Variants in MYO16 observed in about 807,000 individuals in gnomAD.
The protein encoded by MYO16 is unconventional myosin-XVI.
A neutral mutation model predicts 205.3 loss-of-function variants in MYO16; 94 were observed. The ratio of observed to expected loss-of-function variants is 0.46; its 90% CI spans 0.39 to 0.54. The LOEUF (loss-of-function observed/expected upper bound fraction) is 0.54, where lower values mean the gene tolerates loss of function less well. MYO16 is among the 20% of genes least tolerant of loss of function. The pLI is 0.00. For synonymous variants in MYO16, 988 were observed against 954.0 expected, an observed-to-expected ratio of 1.04 and a Z score of -0.66; for missense variants, 2,315 against 2,387.5, an observed-to-expected ratio of 0.97 and a Z score of 0.63.
the MYO16 span, among the ~76,000 whole-genome samples, chr13:108,515,866 C>G: frequency 3.5e-4 from 15 of 42,832 alleles, no homozygotes; most frequent in African/African-American, 9.8e-5. Context: ...GGGAGAACCA[C>G]TGCTCTCTTC....
intron 2 of MYO16, among the ~76,000 whole-genome samples, chr13:108,669,544 A>G (rs2139441669): frequency 6.6e-6 from 1 of 152,304 alleles, no homozygotes; most frequent in Non-Finnish European, 1.5e-5. Context: ...GCTGATAAAA[A>G]TAATTCATTT....
intron 32 of MYO16, among the ~76,000 whole-genome samples, chr13:109,152,185 G>T (rs1429075279): frequency 1.3e-5 from 2 of 152,150 alleles, no homozygotes; most frequent in Non-Finnish European, 2.9e-5. Flanking sequence ...CAGTAATAAA[G>T]CCCCCTTAGT....
intron 32 of MYO16, among the ~76,000 whole-genome samples, chr13:109,154,331 C>T (rs993613398): frequency 9.9e-5 from 15 of 152,106 alleles, no homozygotes; most frequent in Non-Finnish European, 1.9e-4. Flanking sequence ...TGGCCTGGCC[C>T]GGGCCTGCCA....
intron 27 of MYO16, among the ~76,000 whole-genome samples, chr13:109,097,956 G>T (rs1334443473): frequency 7.3e-6 from 1 of 137,528 alleles, no homozygotes; most frequent in Non-Finnish European, 1.6e-5. Flanking sequence ...AAGGAAATAA[G>T]AAATGTCTTC....
chr13:108,748,767 T>G (rs1885139917), intron 4 of MYO16, among the ~76,000 whole-genome samples: 1 of 152,248 alleles, frequency 6.6e-6, no homozygotes, highest in African/African-American at 2.4e-5. Flanking sequence ...ACAATTAGTG[T>G]TGTCTATGCA....
At chr13:108,966,579 A>T (rs1367000000) in intron 20 of MYO16, among the ~76,000 whole-genome samples, 1 of 152,202 alleles carries the variant, frequency 6.6e-6, no homozygotes, top group Non-Finnish European at 1.5e-5. Context: ...GGATGGTCTT[A>T]TCTTTTAAAA....
the MYO16 span, among the ~76,000 whole-genome samples, chr13:108,524,678 A>T: frequency 6.6e-6 from 1 of 152,108 alleles, no homozygotes; most frequent in Non-Finnish European, 1.5e-5. Context: ...CCTTTGCCTT[A>T]CCTCACCAGT....
At chr13:108,975,184 G>GTTT (rs200122414) in intron 20 of MYO16, among the ~76,000 whole-genome samples, 1 of 144,602 alleles carries the variant, frequency 6.9e-6, no homozygotes, top group Admixed American at 6.9e-5. Context: ...TTGGGATACT[G>GTTT]TTTTTGTTTT....
In MYO16 at chr13:108,636,468, C is replaced by T. The variant is rs185943342; in HGVS notation, c.28+6596C>T. Among the ~76,000 whole-genome samples, 366 of 150,176 alleles carry T rather than the reference C, an allele frequency of 2.4e-3. 3 individuals carry two copies. The highest frequency in any genetic ancestry group is 8.6e-3 in the African/African-American group (351 of 40,848). On this transcript the variant is annotated intron_variant, in intron 1 of 34. Coordinates refer to ENST00000457511, the MANE Select transcript of MYO16 (RefSeq NM_001198950.3). The stretch of plus-strand genomic sequence containing the variant: ...AATCTCAGCTCACTGCAACCTCCAC[C>T]GCCCAGGTTCGAGCAATTCTCCTGC...
At chr13:108,638,231 A>C (rs541145028) in intron 1 of MYO16, among the ~76,000 whole-genome samples, 1 of 152,204 alleles carries the variant, frequency 6.6e-6, no homozygotes, top group African/African-American at 2.4e-5. Context: ...CTGAGGCAGG[A>C]ATGAGCATGT....
intron 11 of MYO16, among the ~76,000 whole-genome samples, chr13:108,858,698 C>T (rs562679668): frequency 6.6e-6 from 1 of 152,168 alleles, no homozygotes; most frequent in Non-Finnish European, 1.5e-5. Flanking sequence ...TCTGTCTATT[C>T]TCAACACAAA....
At chr13:108,982,374 T>C (rs2139417112) in intron 20 of MYO16, among the ~76,000 whole-genome samples, 1 of 152,292 alleles carries the variant, frequency 6.6e-6, no homozygotes, top group East Asian at 1.9e-4. Flanking sequence ...ATTTTTACTT[T>C]AACATACAAC....
chr13:109,073,182 ACCT>A (rs577559397), intron 27 of MYO16, among the ~76,000 whole-genome samples: 204 of 150,890 alleles, frequency 1.4e-3, no homozygotes, highest in African/African-American at 4.8e-3. Flanking sequence ...GCTCACTGGA[ACCT>A]CCTCCTCCTG....
chr13:108,693,019 A>G (rs1246300439), intron 2 of MYO16, among the ~76,000 whole-genome samples: 1 of 152,218 alleles, frequency 6.6e-6, no homozygotes, highest in African/African-American at 2.4e-5. Context: ...ACAGATAAGA[A>G]GGCTTAATTA....
rs1211827896 is a variant in MYO16 at position 108,601,994 on chromosome 13, G to A, written c.-39+5755G>A. On this transcript the variant is annotated intron_variant, in intron 1 of 24. Coordinates refer to the MYO16 transcript ENST00000251041. ...GTCATATTAGGAGGCTGGGCCACGG[G>A]GTGGTGAGGAAGTCATAATGGTGGG... is the stretch of plus-strand genomic sequence containing the variant. 2.6e-5 allele frequency among the ~76,000 whole-genome samples: 4 copies of A among 151,748 alleles called. No homozygotes were observed. In the East Asian group the frequency reaches 7.7e-4, roughly 29 times the overall value.
chr13:108,918,786 A>G (rs948043590), intron 16 of MYO16, among the ~76,000 whole-genome samples: 2 of 152,118 alleles, frequency 1.3e-5, no homozygotes, highest in African/African-American at 4.8e-5. Flanking sequence ...TAAAAATACA[A>G]AAATTAGCCA....
At chr13:109,196,764 C>T (rs923369457) in intron 34 of MYO16, among the ~76,000 whole-genome samples, 1 of 152,124 alleles carries the variant, frequency 6.6e-6, no homozygotes, top group African/African-American at 2.4e-5. Flanking sequence ...TTCCTAGCTC[C>T]GTATAAACCG....
chr13:108,868,390 A>T (rs1419455439), intron 12 of MYO16, among the ~76,000 whole-genome samples: 4 of 152,212 alleles, frequency 2.6e-5, no homozygotes, highest in Admixed American at 2.6e-4. Flanking sequence ...GAGATTAACC[A>T]CATTTTCACA....
At chr13:108,644,920 G>A (rs1446915187) in intron 1 of MYO16, among the ~76,000 whole-genome samples, 3 of 152,190 alleles carry the variant, frequency 2.0e-5, no homozygotes, top group Non-Finnish European at 2.9e-5. Flanking sequence ...TATTCCAAGA[G>A]TATAAGTAGG....
Sources: gnomAD v4.1 joint callset for allele counts (sites outside exome capture counted in the v4.1 genomes callset) on GRCh38, gnomAD v4.1.1 for gene constraint, MANE v1.5 for transcripts, NCBI Gene and HGNC (gene_info 2026-07-23, HGNC 2026-07-21) for gene names.